The following HSPA12B variants were observed in gnomAD, a reference collection of about 807,000 sequenced individuals.
The protein encoded by HSPA12B is heat shock 70 kDa protein 12B.
In HSPA12B, 54 loss-of-function variants were observed where a neutral mutation model predicts 69.3. That is an observed-to-expected ratio of 0.78 (90% CI 0.63 to 0.98). HSPA12B has a LOEUF of 0.98. Ranked by LOEUF, HSPA12B falls within the 50% of genes least tolerant of loss-of-function variation. The pLI, the probability that HSPA12B is intolerant of heterozygous loss-of-function variation, is 0.00. For missense variants in HSPA12B, 929 were observed against 999.8 expected (o/e 0.93, Z 0.96); for synonymous variants, 441 against 436.5 (o/e 1.01, Z -0.13).
chr20:3,742,092 A>G (rs2088211909), intron 3 of HSPA12B, among the ~76,000 whole-genome samples, 192 bp from the exon 4 acceptor site: 1 of 151,972 alleles, frequency 6.6e-6, no homozygotes, highest in Admixed American at 6.5e-5. Flanking sequence ...GACACGTCCA[A>G]GGCTCAGCCT....
At chr20:3,743,721 G>A (rs2088248112) in intron 4 of HSPA12B, among the ~76,000 whole-genome samples, 2 of 151,182 alleles carry the variant, frequency 1.3e-5, no homozygotes, top group Admixed American at 1.3e-4. Context: ...GACAGTTTTA[G>A]GGGGGTTTTT....
rs545432347 is a variant in HSPA12B at position 3,746,464 on chromosome 20, G to A, written c.675+433G>A. 2.0e-4 allele frequency among the ~76,000 whole-genome samples: 30 copies of A among 152,028 alleles called. No individual in the cohort carries two copies. The South Asian group carries it at 3.1e-3, about 16-fold the overall frequency. The stretch of plus-strand genomic sequence containing the variant: ...ACTACAGGTGCCCGCCACCACGCCC[G>A]GCTAATTTTTTGTATTTTTAGTAGA... On this transcript the variant is annotated intron_variant, in intron 7 of 12. Coordinates refer to ENST00000254963, the MANE Select transcript of HSPA12B (RefSeq NM_052970.5).
chr20:3,752,527 G>C lies in HSPA12B; in HGVS notation c.*361G>C. ...CTTGGCCGAGTAGGGGTGGGGGTGGGATGGCAGGAGGAGCCGCAGGAGGAA... is the reference window on the plus strand; with the variant it reads ...CTTGGCCGAGTAGGGGTGGGGGTGGCATGGCAGGAGGAGCCGCAGGAGGAA... On this transcript the variant is annotated 3_prime_UTR_variant, in exon 13 of 13. Transcript: ENST00000254963. The C allele has an allele frequency of 5.8e-6, 1 of 172,498 alleles. No homozygotes were observed. The highest frequency in any genetic ancestry group is 1.2e-5 in the Non-Finnish European group (1 of 80,998). The allele number at this position is 172,498 out of a possible 1,614,324, so 10.7% of individuals were successfully genotyped here.
At chr20:3,746,452 G>C (rs1369814132) in intron 7 of HSPA12B, among the ~76,000 whole-genome samples, 1 of 151,892 alleles carries the variant, frequency 6.6e-6, no homozygotes, top group African/African-American at 2.4e-5. Context: ...ACAGGTGCCC[G>C]CCACCACGCC....
At chr20:3,748,420 C>A in intron 8 of HSPA12B, 29 bp downstream of exon 8, 1 of 1,534,018 alleles carries the variant, frequency 6.5e-7, no homozygotes, top group Non-Finnish European at 8.8e-7. Context: ...CACCACCCAC[C>A]CCTGGAGGGT....
rs2088277096 is a variant in HSPA12B, at chr20:3,745,233, C to T, written c.453+145C>T. 1 of 767,658 alleles carries T rather than the reference C, an allele frequency of 1.3e-6. No individual in the cohort carries two copies. The highest frequency in any genetic ancestry group is 2.7e-5 in the Admixed American group (1 of 37,272). The allele number at this position is 767,658 out of a possible 1,614,324, so 47.6% of individuals were successfully genotyped here. ...AGGGGGCGGGGCTAAAGGGAGACGTCGGACTCCGGTGTGGGCGGAGCTCAG... is the reference window on the plus strand; with the variant it reads ...AGGGGGCGGGGCTAAAGGGAGACGTTGGACTCCGGTGTGGGCGGAGCTCAG... On this transcript the variant is annotated intron_variant, in intron 5 of 12. Transcript: ENST00000254963. This position sits in a 1 kb window ranked among gnomAD's most constrained non-coding sequence, Gnocchi z 5.6.
chr20:3,739,602 C>A (rs557356647), intron 2 of HSPA12B, among the ~76,000 whole-genome samples: 62 of 152,280 alleles, frequency 4.1e-4, no homozygotes, highest in African/African-American at 1.4e-3. Context: ...GCCCTGGCTG[C>A]CTGAGGAGAG....
At position 3,744,372 on chromosome 20, in the gene HSPA12B, G is replaced by A. The variant is rs6052057; in HGVS notation, c.267-530G>A. On this transcript the variant is annotated intron_variant, in intron 4 of 12. Coordinates refer to ENST00000254963, the MANE Select transcript of HSPA12B (RefSeq NM_052970.5). This position sits in a 1 kb window ranked among gnomAD's most constrained non-coding sequence, Gnocchi z 4.9. ...ATGGCTGAGGCCATGCTGGGGCTAA[G>A]GACACATCCAGGAACACTGTCTCTG... is the stretch of plus-strand genomic sequence containing the variant. Among the ~76,000 whole-genome samples, 2 of 152,196 alleles carry A rather than the reference G, an allele frequency of 1.3e-5. No homozygotes were observed. The highest frequency in any genetic ancestry group is 4.8e-5 in the African/African-American group (2 of 41,436).
At position 3,751,950 on chromosome 20, in the gene HSPA12B, T is replaced by G. The variant is rs757055440; in HGVS notation, c.1845T>G (p.Asp615Glu). The change falls in exon 13 of 13, where the codon GAT (aspartate) becomes GAG (glutamate). Residue 615 changes from aspartate to glutamate, a missense_variant. Asp to Glu is a conservative substitution (Grantham distance 45, BLOSUM62 2). This residue lies in a region of HSPA12B where 448 missense variants were observed against 448.1 expected (regional missense o/e 1.00). Coordinates refer to ENST00000254963, the MANE Select transcript of HSPA12B (RefSeq NM_052970.5). ...ACCTGTACTGCTGCGCGGCAGAGGA[T>G]GCGCGCTTCATCACCGACCCCGGCG... is the stretch of plus-strand genomic sequence containing the variant. ...LINLYCCAAE[D>E]ARFITDPGVR... The G allele has an allele frequency of 1.3e-6, 2 of 1,584,702 alleles. No homozygotes were observed. The highest frequency in any genetic ancestry group is 1.7e-4 in the Middle Eastern group (1 of 6,030).
Position 3,737,730 on chromosome 20 carries a change from C to T in HSPA12B, c.-17-928C>T, listed in dbSNP as rs1279049426. Among the ~76,000 whole-genome samples the T allele has an allele frequency of 3.3e-5, 5 of 152,184 alleles. No individual in the cohort carries two copies. The highest frequency in any genetic ancestry group is 7.2e-5 in the African/African-American group (3 of 41,450). On this transcript the variant is annotated intron_variant, in intron 1 of 12. Coordinates refer to ENST00000254963, the MANE Select transcript of HSPA12B (RefSeq NM_052970.5). The surrounding 1 kb of genome is among the most constrained non-coding windows in gnomAD (Gnocchi z 4.1). ...ACAAACAAACAACGAAGGCCAGGCA[C>T]GGTGGCTCATGCCTGTAATCCCAGC...
rs753944111 is a variant in HSPA12B at position 3,751,709 on chromosome 20, G to A, written c.1604G>A (p.Arg535Gln). The change falls in exon 13 of 13, where the codon CGG becomes CAG. Residue 535 changes from arginine (R) to glutamine (Q), a missense_variant. This residue lies in a region of HSPA12B where 448 missense variants were observed against 448.1 expected (regional missense o/e 1.00). Transcript: ENST00000254963. ...TTCGGCCAGGCGCCGGGCGTGGTGC[G>A]GGTCCGCCGCTCGCCGCTCACCTAT... ...VLFGQAPGVVRVRRSPLTYGV... is the reference protein window; with the variant it reads ...VLFGQAPGVVQVRRSPLTYGV... The A allele has an allele frequency of 3.4e-6, 5 of 1,484,454 alleles. No individual in the cohort carries two copies. In the South Asian group the frequency reaches 5.1e-5, roughly 15 times the overall value. The allele number at this position is 1,484,454 out of a possible 1,614,324, so 92.0% of individuals were successfully genotyped here. A position where few individuals can be genotyped will look rare whatever the true frequency, so the allele number is the denominator to read the frequency against.
intron 7 of HSPA12B, among the ~76,000 whole-genome samples, chr20:3,747,135 C>T (rs1410773145): frequency 2.6e-5 from 4 of 152,094 alleles, no homozygotes; most frequent in South Asian, 2.1e-4. Context: ...GGGGGGCTCC[C>T]GTGGAGACAG....
intron 7 of HSPA12B, among the ~76,000 whole-genome samples, 195 bp downstream of exon 7, chr20:3,746,226 A>C (rs1003356489): frequency 3.9e-5 from 6 of 152,020 alleles, no homozygotes; most frequent in African/African-American, 1.4e-4. Context: ...ACAGAGGGAC[A>C]AAAGACACAG....
chr20:3,749,224 ACC>A lies in HSPA12B; in HGVS notation c.851-4_851-3del. On this transcript the variant is annotated splice_region_variant and splice_polypyrimidine_tract_variant and intron_variant, in intron 8 of 12. Coordinates refer to ENST00000254963, the MANE Select transcript of HSPA12B (RefSeq NM_052970.5). The surrounding 1 kb of genome is among the most constrained non-coding windows in gnomAD (Gnocchi z 5.5). ...TAATCTCACTCCCTGCTGTCTCCTG[ACC>A]CCCAGCTCGGGAGCAGCTGCGAAGG... 1 of 1,608,496 alleles carries A rather than the reference ACC, an allele frequency of 6.2e-7. No homozygotes were observed.
At chr20:3,738,763 G>T in intron 2 of HSPA12B, 46 bp downstream of exon 2, 1 of 1,608,430 alleles carries the variant, frequency 6.2e-7, no homozygotes, top group South Asian at 1.1e-5. Flanking sequence ...CCACTCACCC[G>T]AGCAGGCACT....
rs760872422 is a variant in HSPA12B at position 3,750,073 on chromosome 20, G to C, written c.1147G>C (p.Ala383Pro). 2 of 1,611,914 alleles carry C rather than the reference G, an allele frequency of 1.2e-6. No homozygotes were observed. Among genetic ancestry groups the C allele is most frequent in the Non-Finnish European group, 1.7e-6 (2 of 1,179,530 alleles). ...IATFKRQRPA[A>P]WVDLTIAFEA... The stretch of plus-strand genomic sequence containing the variant: ...CACCTTCAAAAGGCAACGGCCGGCA[G>C]CCTGGGTAGATCTGACCATCGCCTT... The change falls in exon 11 of 13, where the codon GCC becomes CCC. Residue 383 changes from alanine (A) to proline (P), a missense_variant. By Grantham distance (27) the Ala-to-Pro change is conservative (BLOSUM62 -1). Around this residue, in one of 3 missense-constraint regions of HSPA12B, gnomAD observed 477 missense variants for 535.2 expected, o/e 0.89. Transcript: ENST00000254963.
intron 1 of HSPA12B, among the ~76,000 whole-genome samples, chr20:3,736,256 TCTC>T (rs886607823): frequency 7.9e-5 from 12 of 152,140 alleles, no homozygotes; most frequent in African/African-American, 2.7e-4. Flanking sequence ...CTTTCCCTTT[TCTC>T]CTCAACAGCC....
Position 3,748,376 on chromosome 20 carries a change from T to G in HSPA12B, c.835T>G (p.Ser279Ala). 6.3e-7 allele frequency: 1 copy of G among 1,597,422 alleles called. No homozygotes were observed. The highest frequency in any genetic ancestry group is 8.5e-7 in the Non-Finnish European group (1 of 1,172,806). ...CCTGGGTGAGCGCCGCTCCATCGACTCCAGCTTCCGTCAGGGTGAGCTGCC... is the reference window on the plus strand; with the variant it reads ...CCTGGGTGAGCGCCGCTCCATCGACGCCAGCTTCCGTCAGGGTGAGCTGCC... ...GRLGERRSID[S>A]SFRQAREQLR... The change falls in exon 8 of 13, where the codon TCC becomes GCC. Residue 279 changes from serine (S) to alanine (A), a missense_variant. Ser to Ala is a moderately conservative substitution (Grantham distance 99). Transcript: ENST00000254963.
In HSPA12B at chr20:3,749,724, G is replaced by A; in HGVS notation, c.938-26G>A. ...GCTGAGGGTGCGAGGCCGCCCACGA[G>A]TGTGTGCCCGCGCTCGCCGCCGCAG... On this transcript the variant is annotated intron_variant, in intron 9 of 12. Coordinates refer to ENST00000254963, the MANE Select transcript of HSPA12B (RefSeq NM_052970.5). This position sits in a 1 kb window ranked among gnomAD's most constrained non-coding sequence, Gnocchi z 5.5. 6.6e-7 allele frequency: 1 copy of A among 1,523,700 alleles called. No individual in the cohort carries two copies. The highest frequency in any genetic ancestry group is 1.9e-5 in the Admixed American group (1 of 51,560). The allele number at this position is 1,523,700 out of a possible 1,614,324, so 94.4% of individuals were successfully genotyped here.
Sources: gnomAD v4.1 joint callset for allele counts (sites outside exome capture counted in the v4.1 genomes callset) on GRCh38, gnomAD v4.1.1 for gene constraint, gnomAD v4.1.1 regional missense constraint, Gnocchi (gnomAD v3.1) non-coding constraint, MANE v1.5 for transcripts, NCBI Gene and HGNC (gene_info 2026-07-23, HGNC 2026-07-21) for gene names.